The following NKAIN2 variants were observed in gnomAD, a reference collection of about 807,000 sequenced individuals.
NKAIN2 encodes the protein sodium/potassium-transporting ATPase subunit beta-1-interacting protein 2.
Under a neutral mutation model 32.6 loss-of-function variants are expected in NKAIN2, and 14 were observed. The observed-to-expected ratio is 0.43, with a 90% confidence interval of 0.28 to 0.67. NKAIN2 has a LOEUF of 0.67. NKAIN2 is among the 30% of genes least tolerant of loss of function. The pLI is 0.17. For missense variants in NKAIN2, 198 were observed against 258.3 expected (o/e 0.77, Z 1.60); for synonymous variants, 80 against 87.2 (o/e 0.92, Z 0.46).
intron 1 of NKAIN2, among the ~76,000 whole-genome samples, chr6:123,844,718 A>C (rs1775020440): frequency 6.6e-6 from 1 of 152,220 alleles, no homozygotes; most frequent in Admixed American, 6.5e-5. Flanking sequence ...AGTTTATCTT[A>C]CCATCTGATT....
chr6:124,777,096 A>G (rs1008171350), intron 4 of NKAIN2, among the ~76,000 whole-genome samples: 2 of 152,184 alleles, frequency 1.3e-5, no homozygotes, highest in African/African-American at 4.8e-5. Context: ...AGTATTTTCT[A>G]AAGATTTAAA....
chr6:124,588,181 C>T (rs1781777944), intron 3 of NKAIN2, among the ~76,000 whole-genome samples: 1 of 152,054 alleles, frequency 6.6e-6, no homozygotes, highest in Admixed American at 6.6e-5. Context: ...ATGCATAGTG[C>T]CTAACATAGC....
At chr6:124,197,479 A>G (rs1305624252) in intron 1 of NKAIN2, among the ~76,000 whole-genome samples, 2 of 152,118 alleles carry the variant, frequency 1.3e-5, no homozygotes, top group African/African-American at 2.4e-5. Context: ...ATCGTTTTAT[A>G]GATTATTTGG....
chr6:124,727,486 A>C (rs1215861570), intron 4 of NKAIN2, among the ~76,000 whole-genome samples: 1 of 149,886 alleles, frequency 6.7e-6, no homozygotes, highest in South Asian at 2.1e-4. Flanking sequence ...GAAATAAAAT[A>C]CTTTACAGAC....
intron 1 of NKAIN2, among the ~76,000 whole-genome samples, chr6:124,028,875 GTA>G (rs1204342995): frequency 7.0e-4 from 26 of 37,196 alleles, no homozygotes; most frequent in East Asian, 2.7e-3. Context: ...ACACATATAT[GTA>G]TATATATGTG....
At chr6:124,578,448 G>C (rs952323856) in intron 3 of NKAIN2, among the ~76,000 whole-genome samples, 1 of 151,860 alleles carries the variant, frequency 6.6e-6, no homozygotes, top group Non-Finnish European at 1.5e-5. Flanking sequence ...CTTGCTATGG[G>C]CCTGGATCTA....
chr6:124,086,522 T>C (rs1234570835), intron 1 of NKAIN2, among the ~76,000 whole-genome samples: 1 of 152,004 alleles, frequency 6.6e-6, no homozygotes, highest in African/African-American at 2.4e-5. Flanking sequence ...TTCTTGCTTG[T>C]TGTTTGTAGA....
At chr6:124,154,613 T>C (rs1032722443) in intron 1 of NKAIN2, among the ~76,000 whole-genome samples, 8 of 152,114 alleles carry the variant, frequency 5.3e-5, no homozygotes, top group Admixed American at 1.3e-4. Context: ...GAAAATCGTA[T>C]ATATTTAAAG....
intron 3 of NKAIN2, among the ~76,000 whole-genome samples, chr6:124,366,522 A>G (rs2114303667): frequency 6.6e-6 from 1 of 152,258 alleles, no homozygotes; most frequent in African/African-American, 2.4e-5. Flanking sequence ...ATGTTATACT[A>G]CCAATATACA....
intron 4 of NKAIN2, among the ~76,000 whole-genome samples, chr6:124,764,556 C>T (rs1778423482): frequency 6.6e-6 from 1 of 152,072 alleles, no homozygotes; most frequent in African/African-American, 2.4e-5. Flanking sequence ...GTTAAGAATC[C>T]ACAACTTAGA....
At chr6:124,091,529 G>T (rs145597895) in intron 1 of NKAIN2, among the ~76,000 whole-genome samples, 2 of 151,942 alleles carry the variant, frequency 1.3e-5, no homozygotes, top group Admixed American at 6.6e-5. Context: ...AAAGACCAGG[G>T]AATCTGAAAA....
At chr6:124,714,911 G>A (rs1010704531) in intron 4 of NKAIN2, among the ~76,000 whole-genome samples, 3 of 152,274 alleles carry the variant, frequency 2.0e-5, no homozygotes, top group Admixed American at 2.0e-4. Flanking sequence ...TAAACTGGGA[G>A]AGCCACAGCC....
intron 3 of NKAIN2, among the ~76,000 whole-genome samples, chr6:124,560,571 T>C (rs1780652168): frequency 6.6e-6 from 1 of 152,234 alleles, no homozygotes; most frequent in South Asian, 2.1e-4. Context: ...TATTTAACTT[T>C]TCTGTTTCTC....
chr6:124,707,560 G>T (rs1775160918), intron 4 of NKAIN2, among the ~76,000 whole-genome samples: 2 of 130,256 alleles, frequency 1.5e-5, no homozygotes, highest in Non-Finnish European at 3.3e-5. Flanking sequence ...CTATCTCATT[G>T]TGGTTTTGAT....
intron 1 of NKAIN2, among the ~76,000 whole-genome samples, chr6:124,032,081 G>A (rs1005036241): frequency 6.6e-6 from 1 of 152,004 alleles, no homozygotes; most frequent in African/African-American, 2.4e-5. Flanking sequence ...ATACTATGCA[G>A]CCATGAAAGG....
chr6:124,288,081 A>C (rs1241482799), intron 2 of NKAIN2, among the ~76,000 whole-genome samples: 2 of 152,216 alleles, frequency 1.3e-5, no homozygotes, highest in Non-Finnish European at 2.9e-5. Flanking sequence ...GTATACTAAA[A>C]TAACAGTAAT....
intron 1 of NKAIN2, among the ~76,000 whole-genome samples, chr6:123,928,201 G>C (rs901798452): frequency 1.8e-4 from 27 of 152,058 alleles, no homozygotes; most frequent in African/African-American, 6.3e-4. Context: ...GCTAAACATT[G>C]AGTACTCATG....
At chr6:124,732,803 T>C (rs985575030) in intron 4 of NKAIN2, among the ~76,000 whole-genome samples, 4 of 152,038 alleles carry the variant, frequency 2.6e-5, no homozygotes, top group African/African-American at 7.2e-5. Context: ...CTTTATGTTC[T>C]AGTAATCATT....
At chr6:124,368,448 A>G (rs1799613972) in intron 3 of NKAIN2, among the ~76,000 whole-genome samples, 1 of 152,096 alleles carries the variant, frequency 6.6e-6, no homozygotes, top group African/African-American at 2.4e-5. Context: ...AACCTCTTTC[A>G]GATTCCCCAG....
Sources: gnomAD v4.1 joint callset for allele counts (sites outside exome capture counted in the v4.1 genomes callset) on GRCh38, gnomAD v4.1.1 for gene constraint, MANE v1.5 for transcripts, NCBI Gene and HGNC (gene_info 2026-07-23, HGNC 2026-07-21) for gene names.